Variants in SYT1 observed in about 807,000 individuals in gnomAD.
SYT1 encodes synaptotagmin-1.
SYT1 carries 8 observed loss-of-function variants against 44.8 expected under a neutral mutation model. That is an observed-to-expected ratio of 0.18 (90% CI 0.10 to 0.32). The LOEUF (loss-of-function observed/expected upper bound fraction) is 0.32, where lower values mean the gene tolerates loss of function less well. SYT1 is among the 10% of genes least tolerant of loss of function. SYT1 has a pLI of 1.00. For missense variants in SYT1, 286 were observed against 509.3 expected (o/e 0.56, Z 4.22); for synonymous variants, 154 against 188.8 (o/e 0.82, Z 1.51).
intron 3 of SYT1, among the ~76,000 whole-genome samples, chr12:79,115,013 G>A (rs374860125): frequency 2.0e-5 from 3 of 152,130 alleles, no homozygotes; most frequent in Non-Finnish European, 4.4e-5. Context: ...TTATCATCCT[G>A]ACCAGACCTC....
chr12:79,031,291 T>G (rs1428208444), intron 2 of SYT1, among the ~76,000 whole-genome samples: 1 of 151,042 alleles, frequency 6.6e-6, no homozygotes, highest in Non-Finnish European at 1.5e-5. Flanking sequence ...AAATTTTATT[T>G]TATGCCTTCT....
chr12:79,266,230 TCCCC>T (rs894253489), intron 4 of SYT1, among the ~76,000 whole-genome samples: 2 of 152,032 alleles, frequency 1.3e-5, no homozygotes, highest in African/African-American at 4.8e-5. Context: ...TCAGGTAGCC[TCCCC>T]CATGTTAGAA....
chr12:79,073,218 C>G (rs1876405957), intron 3 of SYT1, among the ~76,000 whole-genome samples: 1 of 152,116 alleles, frequency 6.6e-6, no homozygotes, highest in Non-Finnish European at 1.5e-5. Context: ...CTTCCCACCT[C>G]AGCCTCCCTA....
At chr12:79,326,600 A>G (rs1881617821) in intron 8 of SYT1, among the ~76,000 whole-genome samples, 1 of 152,202 alleles carries the variant, frequency 6.6e-6, no homozygotes, top group Admixed American at 6.5e-5. Context: ...CAGGCTCTCC[A>G]TGTTTGGAAA....
intron 1 of SYT1, among the ~76,000 whole-genome samples, chr12:78,955,735 CTT>C: frequency 6.9e-6 from 1 of 145,660 alleles, no homozygotes; most frequent in Non-Finnish European, 1.5e-5. Flanking sequence ...CAGAAAGAAA[CTT>C]TTTTTTTTGC....
chr12:78,923,680 C>A (rs1463659568), intron 1 of SYT1, among the ~76,000 whole-genome samples: 3 of 151,110 alleles, frequency 2.0e-5, no homozygotes, highest in Non-Finnish European at 4.4e-5. Flanking sequence ...CTCTCTCCAC[C>A]CCCCCTTTCT....
At chr12:79,225,627 T>A (rs1875471435) in intron 4 of SYT1, among the ~76,000 whole-genome samples, 1 of 152,190 alleles carries the variant, frequency 6.6e-6, no homozygotes, top group Admixed American at 6.5e-5. Context: ...AGAAATGTGT[T>A]CTAGAGAAGC....
chr12:79,041,354 G>C (rs966862694), intron 2 of SYT1, among the ~76,000 whole-genome samples: 1 of 152,060 alleles, frequency 6.6e-6, no homozygotes, highest in Admixed American at 6.6e-5. Flanking sequence ...CCTGTAAGTT[G>C]GATTCCTAGG....
intron 2 of SYT1, among the ~76,000 whole-genome samples, chr12:78,996,665 C>T (rs1431475162): frequency 6.6e-5 from 10 of 152,168 alleles, no homozygotes; most frequent in African/African-American, 2.2e-4. Context: ...AAGAACAGTA[C>T]GATTTGAGGA....
intron 1 of SYT1, among the ~76,000 whole-genome samples, chr12:78,875,695 C>T (rs988597686): frequency 4.0e-5 from 6 of 151,638 alleles, no homozygotes; most frequent in Admixed American, 6.6e-5. Flanking sequence ...TAAATATATG[C>T]TGTCTCATTT....
chr12:79,067,633 G>A (rs1410656235), intron 3 of SYT1, among the ~76,000 whole-genome samples: 1 of 152,206 alleles, frequency 6.6e-6, no homozygotes, highest in African/African-American at 2.4e-5. Flanking sequence ...CAAGCAATTA[G>A]TTTGTAAGGA....
At chr12:79,432,863 C>T (rs1193264882) in intron 9 of SYT1, among the ~76,000 whole-genome samples, 3 of 152,126 alleles carry the variant, frequency 2.0e-5, no homozygotes, top group African/African-American at 4.8e-5. Flanking sequence ...CCGCCCATCT[C>T]GGCCTCCCAA....
At position 78,883,474 on chromosome 12, in the gene SYT1, C is replaced by T. The variant is rs544009661; in HGVS notation, c.-217+18365C>T. Among the ~76,000 whole-genome samples, 9 of 151,798 alleles carry T rather than the reference C, an allele frequency of 5.9e-5. No individual in the cohort carries two copies. The South Asian group carries it at 1.2e-3, about 21-fold the overall frequency. ...GATATTAGATGTAGTCAAGTCTTCT[C>T]TTCCAAGGTGAAATATGACTTTCTT... On this transcript the variant is annotated intron_variant, in intron 1 of 10. Coordinates refer to ENST00000261205, the MANE Select transcript of SYT1 (RefSeq NM_005639.3).
chr12:78,988,860 G>C (rs1019593966), intron 2 of SYT1, among the ~76,000 whole-genome samples: 1 of 152,126 alleles, frequency 6.6e-6, no homozygotes, highest in Non-Finnish European at 1.5e-5. Flanking sequence ...ACAATATTTA[G>C]ATATCAAGAG....
At chr12:78,874,733 T>C (rs1873978990) in intron 1 of SYT1, among the ~76,000 whole-genome samples, 1 of 151,588 alleles carries the variant, frequency 6.6e-6, no homozygotes, top group African/African-American at 2.4e-5. Flanking sequence ...AAATGGGAGC[T>C]CACACCATGT....
intron 3 of SYT1, among the ~76,000 whole-genome samples, chr12:79,069,247 G>A (rs1205734492): frequency 1.3e-5 from 2 of 152,134 alleles, no homozygotes; most frequent in Non-Finnish European, 2.9e-5. Context: ...TTTCACAAGA[G>A]TGTAAACCAC....
intron 1 of SYT1, among the ~76,000 whole-genome samples, chr12:78,892,119 T>C (rs891161992): frequency 2.6e-5 from 4 of 151,812 alleles, no homozygotes; most frequent in African/African-American, 9.7e-5. Context: ...GCCTGAACTA[T>C]AGATCTGGCA....
chr12:78,931,228 A>G (rs1264385904), intron 1 of SYT1, among the ~76,000 whole-genome samples: 8 of 64,174 alleles, frequency 1.2e-4, no homozygotes, highest in East Asian at 7.5e-4. Context: ...AGAAAGAAAG[A>G]AAGAAAGAAA....
intron 4 of SYT1, among the ~76,000 whole-genome samples, chr12:79,230,580 A>T (rs945958095): frequency 6.6e-6 from 1 of 152,208 alleles, no homozygotes; most frequent in Non-Finnish European, 1.5e-5. Flanking sequence ...AATGTGCAGT[A>T]GGACTCTATC....
Sources: gnomAD v4.1 joint callset for allele counts (sites outside exome capture counted in the v4.1 genomes callset) on GRCh38, gnomAD v4.1.1 for gene constraint, MANE v1.5 for transcripts, NCBI Gene and HGNC (gene_info 2026-07-23, HGNC 2026-07-21) for gene names.